ZBTB43: variants seen among roughly 807,000 people sequenced by gnomAD.
ZBTB43 encodes the protein zinc finger and BTB domain containing 43, also known as zinc finger and BTB domain-containing protein 43.
ZBTB43 carries 6 observed loss-of-function variants against 31.1 expected under a neutral mutation model. The observed-to-expected ratio is 0.19, with a 90% CI of 0.11 to 0.38. The LOEUF is 0.38. Ranked by LOEUF, ZBTB43 falls within the 10% of genes least tolerant of loss-of-function variation. The pLI, the probability that ZBTB43 is intolerant of heterozygous loss-of-function variation, is 1.00. For synonymous variants in ZBTB43, 212 were observed against 221.7 expected (o/e 0.96, Z 0.39); for missense variants, 379 against 602.1 (o/e 0.63, Z 3.88).
intron 2 of ZBTB43, among the ~76,000 whole-genome samples, chr9:126,817,047 C>T (rs748218774): frequency 1.7e-4 from 25 of 148,364 alleles, no homozygotes; most frequent in African/African-American, 5.0e-4. Flanking sequence ...TGGAATAGGA[C>T]GTGGAGTTTC....
intron 2 of ZBTB43, among the ~76,000 whole-genome samples, chr9:126,818,005 G>A (rs2119132315): frequency 6.6e-6 from 1 of 151,994 alleles, no homozygotes; most frequent in South Asian, 2.1e-4. Flanking sequence ...GTATTGCTTT[G>A]GGTAGTATTG....
chr9:126,813,225 G>A (rs369846628), intron 2 of ZBTB43, among the ~76,000 whole-genome samples: 3 of 151,960 alleles, frequency 2.0e-5, no homozygotes, highest in Non-Finnish European at 4.4e-5. Context: ...AGTGATCCAC[G>A]TGCCTCAGCC....
intron 2 of ZBTB43, among the ~76,000 whole-genome samples, chr9:126,812,829 T>A (rs1388264226): frequency 2.0e-5 from 3 of 152,204 alleles, no homozygotes; most frequent in Non-Finnish European, 4.4e-5. Flanking sequence ...ATTAGTTACA[T>A]GATCTGCAAA....
rs894476566 is a variant in ZBTB43 at position 126,825,846 on chromosome 9, T to A, written c.-23-6641T>A. 1.2e-3 allele frequency among the ~76,000 whole-genome samples: 172 copies of A among 139,404 alleles called. 1 individual carries two copies. The highest frequency in any genetic ancestry group is 7.2e-3 in the Middle Eastern group (2 of 276). 91.5% of individuals were successfully genotyped at this position (139,404 alleles called of 152,430 possible). Reference sequence around the variant, plus strand: ...TTCCATTTGGTTCCTTTTTATATTTTTTTTTTTTTTTTTTTTTGAGATGGC... The same window carrying A: ...TTCCATTTGGTTCCTTTTTATATTTATTTTTTTTTTTTTTTTTGAGATGGC... On this transcript the variant is annotated intron_variant, in intron 2 of 2. Transcript: ENST00000373464.
At position 126,835,226 on chromosome 9, in the gene ZBTB43, A is replaced by G. The variant is rs541205567; in HGVS notation, c.*1313A>G. The G allele has an allele frequency of 6.0e-6, 1 of 167,196 alleles. No homozygotes were observed. The highest frequency in any genetic ancestry group is 1.9e-4 in the East Asian group (1 of 5,192). 10.4% of individuals were successfully genotyped at this position (167,196 alleles called of 1,614,324 possible). A position where few individuals can be genotyped will look rare whatever the true frequency, so the allele number is the denominator to read the frequency against. On this transcript the variant is annotated 3_prime_UTR_variant, in exon 3 of 3. Transcript: ENST00000373464. Reference sequence around the variant, plus strand: ...ACAAAGCTACGCCGACCAGAAAAAAAAAATTAAAAAAACAAACAAGAAAAG... The same window carrying G: ...ACAAAGCTACGCCGACCAGAAAAAAGAAATTAAAAAAACAAACAAGAAAAG...
intron 2 of ZBTB43, among the ~76,000 whole-genome samples, chr9:126,812,491 A>G (rs1036651848): frequency 6.6e-6 from 1 of 152,218 alleles, no homozygotes; most frequent in Non-Finnish European, 1.5e-5. Context: ...GTGCTGTCAC[A>G]CTGCTTTCCA....
rs192819925 is a variant in ZBTB43, at chr9:126,814,529, T to C, written c.-24+5614T>C. On this transcript the variant is annotated intron_variant, in intron 2 of 2. Coordinates refer to ENST00000373464, the MANE Select transcript of ZBTB43 (RefSeq NM_014007.4). Reference sequence around the variant, plus strand: ...GTATTTTGGGCCGGGCGCGGTGGCTTACGCCTGTAATCCCAACACTTTGGG... The same window carrying C: ...GTATTTTGGGCCGGGCGCGGTGGCTCACGCCTGTAATCCCAACACTTTGGG... Among the ~76,000 whole-genome samples the C allele has an allele frequency of 3.9e-3, 598 of 152,072 alleles. 5 individuals carry two copies. Among genetic ancestry groups the C allele is most frequent in the Middle Eastern group, 0.027 (8 of 292 alleles).
chr9:126,813,307 C>A (rs1018594528), intron 2 of ZBTB43, among the ~76,000 whole-genome samples: 1 of 152,136 alleles, frequency 6.6e-6, no homozygotes, highest in African/African-American at 2.4e-5. Context: ...ACTACCTAGA[C>A]TACACTTATT....
At chr9:126,826,681 G>GTC (rs1421217132) in intron 2 of ZBTB43, among the ~76,000 whole-genome samples, 1 of 150,100 alleles carries the variant, frequency 6.7e-6, no homozygotes, top group Non-Finnish European at 1.5e-5. Flanking sequence ...AGCCAGGAGG[G>GTC]TCTCGATCTC....
intron 2 of ZBTB43, among the ~76,000 whole-genome samples, chr9:126,827,868 C>G (rs1018549977): frequency 6.6e-6 from 1 of 152,028 alleles, no homozygotes; most frequent in African/African-American, 2.4e-5. Flanking sequence ...ACAAAATTAG[C>G]CGGGCATGGT....
intron 2 of ZBTB43, among the ~76,000 whole-genome samples, chr9:126,823,363 C>T (rs2032556873): frequency 6.6e-6 from 1 of 152,062 alleles, no homozygotes; most frequent in African/African-American, 2.4e-5. Flanking sequence ...ACATATAATT[C>T]TTTGTCTCTT....
Position 126,814,050 on chromosome 9 carries a change from T to C in ZBTB43, c.-24+5135T>C, listed in dbSNP as rs375363448. On this transcript the variant is annotated intron_variant, in intron 2 of 2. Transcript: ENST00000373464. ...AGAGTATATAGGTATTGCATTAAAT[T>C]AGCTTTATTGATAGCTGTCTAAACC... Among the ~76,000 whole-genome samples, 46 of 152,316 alleles carry C rather than the reference T, an allele frequency of 3.0e-4. No individual in the cohort carries two copies. In the South Asian group the frequency reaches 9.1e-3, roughly 30 times the overall value.
At position 126,834,531 on chromosome 9, in the gene ZBTB43, G is replaced by T. The variant is rs2032839679; in HGVS notation, c.*618G>T. ...AACAGATAATTTACGGTACAAGGCT[G>T]ACATAGTGCCCTTGTCAGTTTCTGT... On this transcript the variant is annotated 3_prime_UTR_variant, in exon 3 of 3. Coordinates refer to ENST00000373464, the MANE Select transcript of ZBTB43 (RefSeq NM_014007.4). 6.0e-6 allele frequency: 1 copy of T among 167,056 alleles called. No homozygotes were observed. The highest frequency in any genetic ancestry group is 2.1e-4 in the South Asian group (1 of 4,828). 10.3% of individuals were successfully genotyped at this position (167,056 alleles called of 1,614,324 possible).
chr9:126,804,480 TG>T (rs1394428635), upstream of ZBTB43, among the ~76,000 whole-genome samples: 4 of 150,680 alleles, frequency 2.7e-5, no homozygotes, highest in African/African-American at 9.8e-5. Flanking sequence ...TGTTTTTGTT[TG>T]TTTTGTTGTT....
Position 126,833,240 on chromosome 9 carries a change from T to G in ZBTB43, c.731T>G (p.Ile244Ser). Reference protein sequence around the residue: ...KPSIMAHKRWIHVKPERLEQA... With the variant: ...KPSIMAHKRWSHVKPERLEQA... The stretch of plus-strand genomic sequence containing the variant: ...AGCATCATGGCTCACAAACGCTGGA[T>G]CCACGTGAAGCCCGAGCGCTTAGAA... Residue 244 changes from isoleucine to serine, a missense_variant, in exon 3 of 3, where the codon ATC becomes AGC. Transcript: ENST00000373464. This position sits in a 1 kb window ranked among gnomAD's most constrained non-coding sequence, Gnocchi z 7.9. 1 of 1,613,668 alleles carries G rather than the reference T, an allele frequency of 6.2e-7. No individual in the cohort carries two copies. The highest frequency in any genetic ancestry group is 8.5e-7 in the Non-Finnish European group (1 of 1,179,986).
intron 2 of ZBTB43, among the ~76,000 whole-genome samples, chr9:126,813,471 C>A (rs1200733095): frequency 6.6e-6 from 1 of 152,138 alleles, no homozygotes; most frequent in East Asian, 1.9e-4. Flanking sequence ...AGATTTATCT[C>A]CCATCACTCA....
At chr9:126,813,664 G>A (rs989076041) in intron 2 of ZBTB43, among the ~76,000 whole-genome samples, 6 of 152,156 alleles carry the variant, frequency 3.9e-5, no homozygotes, top group Admixed American at 1.3e-4. Context: ...TACTTATGAT[G>A]TACCAAACCC....
In ZBTB43 at chr9:126,837,119, A is replaced by G. The variant is rs1026227051; in HGVS notation, c.*3206A>G. The G allele has an allele frequency of 6.0e-6, 1 of 166,696 alleles. No homozygotes were observed. The highest frequency in any genetic ancestry group is 2.4e-5 in the African/African-American group (1 of 41,360). 10.3% of individuals were successfully genotyped at this position (166,696 alleles called of 1,614,324 possible). A position where few individuals can be genotyped will look rare whatever the true frequency, so the allele number is the denominator to read the frequency against. On this transcript the variant is annotated 3_prime_UTR_variant, in exon 3 of 3. Transcript: ENST00000373464. ...ACTCTGTCTCAAAAAAAAAAAAAAAATTCATACTTATGCCATGCTTTTACC... is the reference window on the plus strand; with the variant it reads ...ACTCTGTCTCAAAAAAAAAAAAAAAGTTCATACTTATGCCATGCTTTTACC...
At chr9:126,812,108 A>G (rs529607962) in intron 2 of ZBTB43, among the ~76,000 whole-genome samples, 12 of 152,190 alleles carry the variant, frequency 7.9e-5, no homozygotes, top group African/African-American at 2.6e-4. Context: ...CCACGAATCT[A>G]CTTTCTGTCT....
Sources: gnomAD v4.1 joint callset for allele counts (sites outside exome capture counted in the v4.1 genomes callset) on GRCh38, gnomAD v4.1.1 for gene constraint, Gnocchi (gnomAD v3.1) non-coding constraint, MANE v1.5 for transcripts, NCBI Gene and HGNC (gene_info 2026-07-23, HGNC 2026-07-21) for gene names.